RNF111: variants seen among roughly 807,000 people sequenced by gnomAD.
RNF111 encodes the protein E3 ubiquitin-protein ligase Arkadia.
In RNF111, 17 loss-of-function variants were observed where a neutral mutation model predicts 95.1. The ratio of observed to expected loss-of-function variants is 0.18; its 90% confidence interval spans 0.12 to 0.27. The LOEUF is 0.27. Ranked by LOEUF, RNF111 falls within the 10% of genes least tolerant of loss-of-function variation. The pLI is 1.00. For missense variants in RNF111, 1,189 were observed against 1,210.4 expected, an observed-to-expected ratio of 0.98 and a Z score of 0.26; for synonymous variants, 440 against 414.8, an observed-to-expected ratio of 1.06 and a Z score of -0.74.
chr15:59,076,331 A>C, intron 7 of RNF111, 116 bp downstream of exon 7: 2 of 1,186,454 alleles, frequency 1.7e-6, no homozygotes, highest in Non-Finnish European at 2.4e-6. Flanking sequence ...TACTTGGCTT[A>C]AGAGTAGGGT....
chr15:59,070,147 C>G (rs1248141340), intron 6 of RNF111, among the ~76,000 whole-genome samples: 1 of 145,772 alleles, frequency 6.9e-6, no homozygotes, highest in Non-Finnish European at 1.5e-5. Context: ...TTGGCTGGGA[C>G]TACAGGCATG....
chr15:59,042,126 T>A (rs1388471487), intron 2 of RNF111, among the ~76,000 whole-genome samples: 1 of 141,402 alleles, frequency 7.1e-6, no homozygotes, highest in Non-Finnish European at 1.6e-5. Context: ...TTATGCCAAA[T>A]TTTTTTTTCT....
At position 59,061,875 on chromosome 15, in the gene RNF111, T is replaced by A. The variant is rs190245864; in HGVS notation, c.1366+3325T>A. On this transcript the variant is annotated intron_variant, in intron 5 of 13. Coordinates refer to ENST00000348370, the MANE Select transcript of RNF111 (RefSeq NM_017610.8). ...TGACTCCTTTCATAATGAATAAACA[T>A]GATCTTTTAAAATCTGACAATTGTC... Among the ~76,000 whole-genome samples, 434 of 152,276 alleles carry A rather than the reference T, an allele frequency of 2.9e-3. 5 individuals are homozygous for A. The highest frequency in any genetic ancestry group is 0.021 in the South Asian group (102 of 4,824).
chr15:59,010,380 A>G (rs1343496131), intron 1 of RNF111, among the ~76,000 whole-genome samples: 1 of 152,086 alleles, frequency 6.6e-6, no homozygotes, highest in South Asian at 2.1e-4. Flanking sequence ...TGGATTCCAC[A>G]TCTGTTTTAT....
intron 5 of RNF111, among the ~76,000 whole-genome samples, chr15:59,062,643 G>T (rs563297032): frequency 1.3e-5 from 2 of 152,222 alleles, no homozygotes; most frequent in East Asian, 3.9e-4. Flanking sequence ...AGTGTTGGCC[G>T]GTGGATTTGC....
intron 2 of RNF111, among the ~76,000 whole-genome samples, chr15:59,039,613 C>G (rs561431003): frequency 6.6e-6 from 1 of 152,154 alleles, no homozygotes; most frequent in Non-Finnish European, 1.5e-5. Context: ...TGATGCCATC[C>G]TAGTAGTCGT....
Position 59,083,520 on chromosome 15 carries a change from G to A in RNF111, c.2298-609G>A, listed in dbSNP as rs1441078914. On this transcript the variant is annotated intron_variant, in intron 8 of 13. Transcript: ENST00000348370. Reference sequence around the variant, plus strand: ...CACTGTACTCCAGCCTGGTGACAGAGCTAGACTTCCTCTCCAAAAAAAAAA... The same window carrying A: ...CACTGTACTCCAGCCTGGTGACAGAACTAGACTTCCTCTCCAAAAAAAAAA... Among the ~76,000 whole-genome samples the A allele has an allele frequency of 4.0e-5, 6 of 150,278 alleles. No individual in the cohort carries two copies. The South Asian group carries it at 1.3e-3, about 31-fold the overall frequency.
rs200448671 is a variant in RNF111, at chr15:59,085,809, T to C, written c.2550+24T>C. ...TGGTAAAATGGAAAATTTTCAAAAT[T>C]TTGACATGTTCTAAAAGTTCCTTTT... is the stretch of plus-strand genomic sequence containing the variant. On this transcript the variant is annotated intron_variant, in intron 10 of 13. Coordinates refer to ENST00000348370, the MANE Select transcript of RNF111 (RefSeq NM_017610.8). The C allele has an allele frequency of 1.9e-5, 30 of 1,605,148 alleles. No individual in the cohort carries two copies. In the African/African-American group the frequency reaches 3.3e-4, roughly 18 times the overall value.
intron 2 of RNF111, among the ~76,000 whole-genome samples, chr15:59,042,902 G>C (rs2041534181): frequency 1.3e-5 from 2 of 152,118 alleles, no homozygotes; most frequent in South Asian, 4.1e-4. Context: ...ACATGGAGGT[G>C]TTTGGGGGTG....
intron 6 of RNF111, among the ~76,000 whole-genome samples, chr15:59,073,955 C>G (rs1171794456): frequency 6.6e-6 from 1 of 152,184 alleles, no homozygotes; most frequent in Admixed American, 6.5e-5. Flanking sequence ...TATACATCAT[C>G]AGAGCTCTTT....
At chr15:59,052,248 GC>G in intron 2 of RNF111, 56 bp from the exon 3 acceptor site, 1 of 1,421,040 alleles carries the variant, frequency 7.0e-7, no homozygotes. Context: ...AAAAATTTCT[GC>G]CTAACGATTA....
Position 58,996,558 on chromosome 15 carries a change from G to A in RNF111, c.-20+8490G>A, listed in dbSNP as rs1048195991. ...ATCATGCCACTGTACTCCAGCCTGG[G>A]CAGTAGAGCAAGACTCCATCTCAAG... On this transcript the variant is annotated intron_variant, in intron 1 of 13. Coordinates refer to ENST00000348370, the MANE Select transcript of RNF111 (RefSeq NM_017610.8). Among the ~76,000 whole-genome samples, 4 of 151,490 alleles carry A rather than the reference G, an allele frequency of 2.6e-5. No homozygotes were observed. The East Asian group carries it at 5.8e-4, about 22-fold the overall frequency.
chr15:59,035,260 A>G (rs1235418728), intron 2 of RNF111, among the ~76,000 whole-genome samples: 2 of 152,176 alleles, frequency 1.3e-5, no homozygotes, highest in Non-Finnish European at 2.9e-5. Flanking sequence ...ATACAGCCAG[A>G]CCATATCATT....
chr15:59,034,938 A>G (rs1596151446), intron 2 of RNF111, among the ~76,000 whole-genome samples: 2 of 152,226 alleles, frequency 1.3e-5, no homozygotes, highest in Non-Finnish European at 2.9e-5. Flanking sequence ...TCACGCTGCT[A>G]ATAAAGACAT....
chr15:59,067,133 C>A, intron 6 of RNF111, 50 bp downstream of exon 6: 1 of 1,428,364 alleles, frequency 7.0e-7, no homozygotes, highest in Non-Finnish European at 9.7e-7. Context: ...TTGTCTCTCT[C>A]TCTCTCTCCT....
intron 2 of RNF111, among the ~76,000 whole-genome samples, chr15:59,047,762 GA>G (rs1301249372): frequency 6.6e-6 from 1 of 152,064 alleles, no homozygotes; most frequent in Non-Finnish European, 1.5e-5. Context: ...TTTTTGTAGA[GA>G]CAGTTTTTCG....
chr15:59,060,908 C>T (rs2042408728), intron 5 of RNF111, among the ~76,000 whole-genome samples: 1 of 151,618 alleles, frequency 6.6e-6, no homozygotes, highest in South Asian at 2.1e-4. Flanking sequence ...CTCAAGTGAT[C>T]CTCCCGAGTA....
chr15:59,090,255 A>C (rs1485059206), intron 11 of RNF111, among the ~76,000 whole-genome samples: 1 of 151,998 alleles, frequency 6.6e-6, no homozygotes, highest in Non-Finnish European at 1.5e-5. Context: ...TTTTAGATGG[A>C]GTCTTGCTCT....
intron 1 of RNF111, among the ~76,000 whole-genome samples, chr15:58,989,775 G>C (rs937658564): frequency 6.6e-6 from 1 of 152,046 alleles, no homozygotes; most frequent in African/African-American, 2.4e-5. Flanking sequence ...AAGCTAAGGT[G>C]CAGTCATTTA....
Sources: gnomAD v4.1 joint callset for allele counts (sites outside exome capture counted in the v4.1 genomes callset) on GRCh38, gnomAD v4.1.1 for gene constraint, MANE v1.5 for transcripts, NCBI Gene and HGNC (gene_info 2026-07-23, HGNC 2026-07-21) for gene names.